BCAP29: variants seen among roughly 807,000 people sequenced by gnomAD.
The protein encoded by BCAP29 is B cell receptor associated protein 29.
Under a neutral mutation model 31.8 loss-of-function variants are expected in BCAP29, and 34 were observed. The ratio of observed to expected loss-of-function variants is 1.07; its 90% CI spans 0.81 to 1.42. The LOEUF is 1.42. Among genes scored for constraint, BCAP29 ranks in the 40% most tolerant of loss-of-function variants. The pLI is 0.00. For missense variants in BCAP29, 314 were observed against 269.2 expected (o/e 1.17, Z -1.16); for synonymous variants, 104 against 91.3 (o/e 1.14, Z -0.79).
intron 7 of BCAP29, among the ~76,000 whole-genome samples, chr7:107,617,542 A>G (rs761451815): frequency 1.3e-5 from 2 of 152,218 alleles, no homozygotes; most frequent in Non-Finnish European, 2.9e-5. Flanking sequence ...GCCAGTTTTT[A>G]AATTTCATTT....
intron 3 of BCAP29, 97 bp downstream of exon 3, chr7:107,584,079 C>T (rs942412843): frequency 3.2e-5 from 20 of 632,606 alleles, no homozygotes; most frequent in Non-Finnish European, 3.1e-5. Flanking sequence ...GTACAGTTGA[C>T]TTTATATAGT....
intron 7 of BCAP29, chr7:107,613,775 A>G: frequency 1.3e-6 from 2 of 1,518,270 alleles, no homozygotes; most frequent in Non-Finnish European, 1.8e-6. Flanking sequence ...TCATGCCAAA[A>G]TGAGGCCAAA....
intron 1 of BCAP29, 181 bp downstream of exon 1, chr7:107,580,482 T>G: frequency 3.1e-6 from 1 of 323,676 alleles, no homozygotes; most frequent in Non-Finnish European, 5.6e-6. Context: ...AGCCGGGCGT[T>G]GGTGGAGGGA....
At chr7:107,602,274 A>G (rs2129262587) in intron 6 of BCAP29, among the ~76,000 whole-genome samples, 1 of 152,330 alleles carries the variant, frequency 6.6e-6, no homozygotes, top group African/African-American at 2.4e-5. Flanking sequence ...TTTTTTAAAA[A>G]ATAACATTTG....
intron 6 of BCAP29, among the ~76,000 whole-genome samples, chr7:107,607,611 GA>G (rs1812337591): frequency 6.7e-6 from 1 of 149,054 alleles, no homozygotes; most frequent in Non-Finnish European, 1.5e-5. Flanking sequence ...CCTCTTTCCT[GA>G]ATTCCATGTT....
chr7:107,608,851 A>G (rs1563139551), intron 6 of BCAP29, among the ~76,000 whole-genome samples: 1 of 152,208 alleles, frequency 6.6e-6, no homozygotes, highest in Non-Finnish European at 1.5e-5. Flanking sequence ...CACACAAGTG[A>G]ATTTTTCAAA....
In BCAP29 at chr7:107,618,238, G is replaced by A. The variant is rs905684964; in HGVS notation, c.691-90G>A. Reference sequence around the variant, plus strand: ...TTAATTATTCTCATAAGTATACATAGAAGAGAGAATGTTTTTTAAAAGTCC... The same window carrying A: ...TTAATTATTCTCATAAGTATACATAAAAGAGAGAATGTTTTTTAAAAGTCC... On this transcript the variant is annotated intron_variant, in intron 7 of 7. Coordinates refer to ENST00000005259, the MANE Select transcript of BCAP29 (RefSeq NM_018844.4). The A allele has an allele frequency of 5.6e-6, 5 of 897,680 alleles. No individual in the cohort carries two copies. The African/African-American group carries it at 8.3e-5, about 15-fold the overall frequency. The allele number at this position is 897,680 out of a possible 1,614,324, so 55.6% of individuals were successfully genotyped here. A position where few individuals can be genotyped will look rare whatever the true frequency, so the allele number is the denominator to read the frequency against.
At position 107,618,428 on chromosome 7, in the gene BCAP29, A is replaced by G; in HGVS notation, c.*65A>G. The G allele has an allele frequency of 6.2e-7, 1 of 1,612,954 alleles. No individual in the cohort carries two copies. Among genetic ancestry groups the G allele is most frequent in the Non-Finnish European group, 8.5e-7 (1 of 1,179,258 alleles). On this transcript the variant is annotated 3_prime_UTR_variant, in exon 8 of 8. Transcript: ENST00000005259. ...ATAATTTTGTTATGTTAGCCTCTAG[A>G]AAATTTAAGTTCAGAAAAATGCACT...
rs761980769 is a variant in BCAP29, at chr7:107,595,844, A to G, written c.345-23A>G. On this transcript the variant is annotated intron_variant, in intron 4 of 7. Coordinates refer to ENST00000005259, the MANE Select transcript of BCAP29 (RefSeq NM_018844.4). ...GTTTCTGGTGATTGGCCAGTAATAC[A>G]TTATTCTGGTTTTTTTTCTTAGAGT... 2.6e-5 allele frequency: 41 copies of G among 1,590,406 alleles called. No homozygotes were observed. The South Asian group carries it at 4.1e-4, about 16-fold the overall frequency.
chr7:107,583,331 A>G (rs1807047620), intron 2 of BCAP29, among the ~76,000 whole-genome samples: 1 of 152,006 alleles, frequency 6.6e-6, no homozygotes, highest in Non-Finnish European at 1.5e-5. Flanking sequence ...GTGTGTGAAA[A>G]TTATCAAGCT....
downstream of BCAP29, chr7:107,621,455 A>T (rs2129301766): frequency 3.6e-6 from 1 of 278,430 alleles, no homozygotes; most frequent in East Asian, 8.9e-5. Context: ...ACACTTTAGG[A>T]ACTGTGGTAG....
intron 3 of BCAP29, among the ~76,000 whole-genome samples, chr7:107,588,279 A>C (rs1808072611): frequency 6.6e-6 from 1 of 152,140 alleles, no homozygotes; most frequent in South Asian, 2.1e-4. Flanking sequence ...TTTTAGAGTG[A>C]TTTATTTGGG....
At chr7:107,594,646 C>G (rs879310413) in intron 4 of BCAP29, among the ~76,000 whole-genome samples, 5 of 151,978 alleles carry the variant, frequency 3.3e-5, no homozygotes, top group African/African-American at 7.3e-5. Context: ...GGAGTACAGG[C>G]GCCTGCCACT....
chr7:107,618,282 T>A (rs1029245954), intron 7 of BCAP29, 46 bp from the exon 8 acceptor site: 1 of 1,342,938 alleles, frequency 7.4e-7, no homozygotes, highest in African/African-American at 1.5e-5. Context: ...TCTATGAATC[T>A]GTTTCTCTTT....
chr7:107,616,852 C>T (rs1814250082), intron 7 of BCAP29, among the ~76,000 whole-genome samples: 1 of 152,162 alleles, frequency 6.6e-6, no homozygotes, highest in African/African-American at 2.4e-5. Flanking sequence ...GATTCTTGTG[C>T]CTCAGCCTTC....
intron 3 of BCAP29, among the ~76,000 whole-genome samples, chr7:107,588,765 C>G (rs1808186048): frequency 6.6e-6 from 1 of 152,110 alleles, no homozygotes. Context: ...AGAAGGATGT[C>G]TAAGAAAGGA....
Position 107,599,769 on chromosome 7 carries a change from A to AT in BCAP29, c.481-623dup, listed in dbSNP as rs533957489. 4.4e-4 allele frequency among the ~76,000 whole-genome samples: 67 copies of AT among 152,072 alleles called. 1 individual carries two copies. Among genetic ancestry groups the AT allele is most frequent in the Non-Finnish European group, 7.6e-4 (52 of 67,980 alleles). ...CAGTTGTTTTACTATATGGATCTTA[A>AT]TTTTTCTTACCTAGAAAAGATAAGC... On this transcript the variant is annotated intron_variant, in intron 5 of 7. Coordinates refer to ENST00000005259, the MANE Select transcript of BCAP29 (RefSeq NM_018844.4).
At chr7:107,595,764 A>G (rs1809697830) in intron 4 of BCAP29, 103 bp from the exon 5 acceptor site, 1 of 1,264,654 alleles carries the variant, frequency 7.9e-7, no homozygotes, top group Admixed American at 2.7e-5. Flanking sequence ...ATTATCTGCC[A>G]CCACCACACC....
chr7:107,613,064 G>A (rs796773059), intron 6 of BCAP29, among the ~76,000 whole-genome samples: 15 of 152,184 alleles, frequency 9.9e-5, no homozygotes, highest in African/African-American at 3.1e-4. Flanking sequence ...CTATACTATG[G>A]TTATGTTAGA....
Sources: allele counts gnomAD v4.1 joint callset (sites outside exome capture counted in the v4.1 genomes callset), GRCh38; gene constraint gnomAD v4.1.1; transcripts MANE v1.5; gene names NCBI Gene and HGNC (gene_info 2026-07-23, HGNC 2026-07-21).